The following EYA2 variants were observed in gnomAD, a reference collection of about 807,000 sequenced individuals.
EYA2 encodes protein phosphatase EYA2.
Under a neutral mutation model 69.2 loss-of-function variants are expected in EYA2, and 31 were observed. That is an observed-to-expected ratio of 0.45 (90% CI 0.34 to 0.60). The LOEUF (loss-of-function observed/expected upper bound fraction) is 0.60. Ranked by LOEUF, EYA2 falls within the 20% of genes least tolerant of loss-of-function variation. The pLI, the probability that EYA2 is intolerant of heterozygous loss-of-function variation, is 0.02. For synonymous variants in EYA2, 257 were observed against 279.4 expected (o/e 0.92, Z 0.80); for missense variants, 622 against 701.2 (o/e 0.89, Z 1.28).
intron 9 of EYA2, among the ~76,000 whole-genome samples, chr20:47,135,818 C>CAAA (rs1201324879): frequency 7.0e-3 from 224 of 32,156 alleles, no homozygotes; most frequent in Middle Eastern, 0.031. Context: ...CCTGTCTCTA[C>CAAA]AAAAAAAAAA....
chr20:46,987,995 T>G (rs1981395159), intron 1 of EYA2, among the ~76,000 whole-genome samples: 1 of 77,704 alleles, frequency 1.3e-5, no homozygotes, highest in Non-Finnish European at 2.4e-5. Context: ...TATATATATA[T>G]ATGGGGCAAA....
chr20:47,060,044 AT>A (rs2030808569), intron 5 of EYA2, among the ~76,000 whole-genome samples: 2 of 152,212 alleles, frequency 1.3e-5, no homozygotes, highest in African/African-American at 4.8e-5. Flanking sequence ...TGTTACCTGC[AT>A]TTAAAACTCA....
chr20:47,156,089 T>TACACAC (rs748282079), intron 10 of EYA2, among the ~76,000 whole-genome samples: 1,032 of 30,590 alleles, frequency 0.034, 95 homozygotes, highest in East Asian at 0.078. Flanking sequence ...TATATATACA[T>TACACAC]ACACACACAC....
At chr20:47,108,522 C>T (rs4809625) in intron 9 of EYA2, among the ~76,000 whole-genome samples, 24,162 of 152,160 alleles carry the variant, frequency 0.16, 2,336 homozygotes, top group Non-Finnish European at 0.21. Flanking sequence ...TTTATAGCAA[C>T]ACAAATGGAT....
At chr20:47,092,883 T>C (rs946745791) in intron 8 of EYA2, among the ~76,000 whole-genome samples, 1 of 152,044 alleles carries the variant, frequency 6.6e-6, no homozygotes, top group Admixed American at 6.6e-5. Context: ...TATGTGGAAG[T>C]GGAAAGGAGG....
intron 5 of EYA2, among the ~76,000 whole-genome samples, chr20:47,026,699 A>G (rs1239376958): frequency 6.6e-6 from 1 of 152,216 alleles, no homozygotes; most frequent in East Asian, 1.9e-4. Context: ...TAAAAGAGAG[A>G]CATGAGCTAG....
At chr20:47,166,087 T>C (rs972420233) in intron 10 of EYA2, among the ~76,000 whole-genome samples, 1 of 151,844 alleles carries the variant, frequency 6.6e-6, no homozygotes, top group Non-Finnish European at 1.5e-5. Context: ...CCTGCAAAGC[T>C]TATATTCTCA....
chr20:47,030,911 G>C (rs1934844), intron 5 of EYA2, among the ~76,000 whole-genome samples: 100,342 of 152,046 alleles, frequency 0.66, 35,639 homozygotes, highest in Non-Finnish European at 0.8. Flanking sequence ...TGCACACCAG[G>C]CTGCTGCTGC....
At chr20:47,144,389 T>C (rs1370176232) in intron 10 of EYA2, among the ~76,000 whole-genome samples, 1 of 151,508 alleles carries the variant, frequency 6.6e-6, no homozygotes, top group Non-Finnish European at 1.5e-5. Context: ...AAAGGCAATC[T>C]AAAATAAAAC....
intron 9 of EYA2, among the ~76,000 whole-genome samples, chr20:47,105,965 A>G (rs1013395332): frequency 1.3e-5 from 2 of 152,228 alleles, no homozygotes; most frequent in African/African-American, 2.4e-5. Flanking sequence ...ACAGTTTCCA[A>G]TCAGCCCCTG....
intron 5 of EYA2, among the ~76,000 whole-genome samples, chr20:47,047,842 T>C (rs1390147156): frequency 1.3e-5 from 2 of 152,160 alleles, no homozygotes; most frequent in African/African-American, 4.8e-5. Flanking sequence ...CAGGGCTGCT[T>C]CCTTCTGCAG....
chr20:47,119,842 G>A lies in EYA2; in HGVS notation c.888+22674G>A, dbSNP rs899228327. ...AGCATTTCAGGAGGCTGAGGTGAGA[G>A]GATAGCTTGAGCTTAGGAGTTTGAG... On this transcript the variant is annotated intron_variant, in intron 9 of 15. Transcript: ENST00000327619. 1.1e-4 allele frequency among the ~76,000 whole-genome samples: 17 copies of A among 152,348 alleles called. 1 individual carries two copies. The Middle Eastern group carries it at 0.01, about 91-fold the overall frequency.
At chr20:47,185,974 G>A (rs2034632046) in intron 15 of EYA2, among the ~76,000 whole-genome samples, 1 of 152,056 alleles carries the variant, frequency 6.6e-6, no homozygotes, top group Non-Finnish European at 1.5e-5. Flanking sequence ...CCTTCCTGGG[G>A]CCTTTGCACT....
intron 1 of EYA2, among the ~76,000 whole-genome samples, chr20:46,958,007 G>A (rs1283018762): frequency 6.6e-6 from 1 of 152,192 alleles, no homozygotes; most frequent in East Asian, 1.9e-4. Flanking sequence ...AAGCCTGGAA[G>A]ACTTGCTGGC....
intron 5 of EYA2, among the ~76,000 whole-genome samples, chr20:47,063,835 G>A (rs978144831): frequency 1.3e-5 from 2 of 152,094 alleles, no homozygotes; most frequent in Non-Finnish European, 2.9e-5. Context: ...CACTCTGTGG[G>A]GTGTAATTTG....
chr20:47,115,273 C>A (rs1023790359), intron 9 of EYA2, among the ~76,000 whole-genome samples: 11 of 152,158 alleles, frequency 7.2e-5, no homozygotes, highest in African/African-American at 2.2e-4. Flanking sequence ...CTCCCAAGGA[C>A]CCCCTGCCCA....
At chr20:47,170,234 A>G (rs191060937) in intron 11 of EYA2, among the ~76,000 whole-genome samples, 151 of 152,252 alleles carry the variant, frequency 9.9e-4, no homozygotes, top group African/African-American at 3.5e-3. Flanking sequence ...TAATATAACA[A>G]TTGATACAGC....
intron 11 of EYA2, among the ~76,000 whole-genome samples, chr20:47,171,979 G>A (rs2146654920): frequency 6.6e-6 from 1 of 152,086 alleles, no homozygotes; most frequent in Non-Finnish European, 1.5e-5. Flanking sequence ...TGTAATCCCA[G>A]CTACTTGGGA....
At chr20:47,114,441 C>A (rs2032837481) in intron 9 of EYA2, among the ~76,000 whole-genome samples, 1 of 152,110 alleles carries the variant, frequency 6.6e-6, no homozygotes, top group Non-Finnish European at 1.5e-5. Context: ...ATGGTGAAAC[C>A]CCGTCTCTAC....
Sources: allele counts gnomAD v4.1 joint callset (sites outside exome capture counted in the v4.1 genomes callset), GRCh38; gene constraint gnomAD v4.1.1; transcripts MANE v1.5; gene names NCBI Gene and HGNC (gene_info 2026-07-23, HGNC 2026-07-21).